Variants in CAPN2 observed in about 807,000 individuals in gnomAD.
CAPN2 encodes calpain-2 catalytic subunit.
Under a neutral mutation model 102.3 loss-of-function variants are expected in CAPN2, and 92 were observed. The observed-to-expected ratio is 0.90, with a 90% confidence interval of 0.76 to 1.07. The LOEUF is 1.07. Among genes scored for constraint, CAPN2 ranks in the 50% least tolerant of loss-of-function variants. CAPN2 has a pLI of 0.00. For missense variants in CAPN2, 800 were observed against 909.4 expected, an observed-to-expected ratio of 0.88 and a Z score of 1.55; for synonymous variants, 340 against 355.4, an observed-to-expected ratio of 0.96 and a Z score of 0.49.
At chr1:223,740,864 C>CACCTAATTG (rs775915974) in intron 2 of CAPN2, among the ~76,000 whole-genome samples, 21 of 152,134 alleles carry the variant, frequency 1.4e-4, no homozygotes, top group Non-Finnish European at 2.9e-4. Context: ...ATTTCGAATT[C>CACCTAATTG]AATTAGGTGA....
At chr1:223,730,035 A>AC (rs1660298185) in intron 2 of CAPN2, among the ~76,000 whole-genome samples, 1 of 146,134 alleles carries the variant, frequency 6.8e-6, no homozygotes, top group Non-Finnish European at 1.5e-5. Flanking sequence ...AAAAAAAAAA[A>AC]CGAAAACCTG....
chr1:223,737,074 C>A (rs976583960), intron 2 of CAPN2, among the ~76,000 whole-genome samples: 1 of 152,036 alleles, frequency 6.6e-6, no homozygotes, highest in African/African-American at 2.4e-5. Context: ...GAAATTAAGA[C>A]CAGATGTAGG....
intron 11 of CAPN2, chr1:223,757,668 G>A: frequency 2.0e-6 from 1 of 493,246 alleles, no homozygotes; most frequent in Non-Finnish European, 3.6e-6. Flanking sequence ...TCCTGAGACT[G>A]CAGGAGGCTT....
At chr1:223,732,372 C>T (rs570876513) in intron 2 of CAPN2, among the ~76,000 whole-genome samples, 1 of 152,180 alleles carries the variant, frequency 6.6e-6, no homozygotes, top group South Asian at 2.1e-4. Context: ...ATGGTTATTT[C>T]TTGATTATAT....
intron 14 of CAPN2, among the ~76,000 whole-genome samples, chr1:223,763,269 G>A (rs948606145): frequency 6.6e-6 from 1 of 151,246 alleles, no homozygotes; most frequent in Non-Finnish European, 1.5e-5. Flanking sequence ...GAGCTCATCT[G>A]GTACTCCCTT....
upstream of CAPN2, chr1:223,712,318 C>A: frequency 2.6e-6 from 1 of 386,656 alleles, no homozygotes; most frequent in Non-Finnish European, 3.6e-6. Context: ...CAACTCTGGA[C>A]CGCGATTCGC....
At chr1:223,737,736 C>T (rs1166310073) in intron 2 of CAPN2, among the ~76,000 whole-genome samples, 1 of 105,708 alleles carries the variant, frequency 9.5e-6, no homozygotes, top group East Asian at 2.5e-4. Flanking sequence ...AATACAATAA[C>T]ACCATGTACT....
intron 5 of CAPN2, among the ~76,000 whole-genome samples, chr1:223,747,898 C>T (rs1660785941): frequency 6.6e-6 from 1 of 152,218 alleles, no homozygotes; most frequent in Non-Finnish European, 1.5e-5. Context: ...TGCTCATCAC[C>T]TGGAAGCCAA....
At position 223,755,788 on chromosome 1, in the gene CAPN2, C is replaced by G. The variant is rs1430120870; in HGVS notation, c.1305+139C>G. The G allele has an allele frequency of 9.3e-6, 8 of 858,982 alleles. No homozygotes were observed. Among genetic ancestry groups the G allele is most frequent in the Non-Finnish European group, 1.4e-5 (8 of 578,070 alleles). The allele number at this position is 858,982 out of a possible 1,614,324, so 53.2% of individuals were successfully genotyped here. ...GCCAAGGAAAAACAAAACTACCAGC[C>G]TGGCCAGGCTCAGGAGTAGCCCCCG... On this transcript the variant is annotated intron_variant, in intron 10 of 20. Coordinates refer to ENST00000295006, the MANE Select transcript of CAPN2 (RefSeq NM_001748.5). The surrounding 1 kb of genome is among the most constrained non-coding windows in gnomAD (Gnocchi z 4.1).
intron 1 of CAPN2, among the ~76,000 whole-genome samples, chr1:223,717,239 A>G (rs1047895301): frequency 1.3e-5 from 2 of 152,182 alleles, no homozygotes; most frequent in African/African-American, 4.8e-5. Flanking sequence ...TGGGACTCAG[A>G]CTTGAAGGGA....
chr1:223,712,833 C>T lies in CAPN2; in HGVS notation c.193C>T (p.Pro65Ser). The T allele has an allele frequency of 1.3e-6, 2 of 1,564,134 alleles. No individual in the cohort carries two copies. The highest frequency in any genetic ancestry group is 8.6e-7 in the Non-Finnish European group (1 of 1,157,926). The change falls in exon 1 of 21, where the codon CCC (proline) becomes TCC (serine). Residue 65 changes from proline (P) to serine (S), a missense_variant. Pro to Ser is a moderately conservative substitution (Grantham distance 74). Coordinates refer to ENST00000295006, the MANE Select transcript of CAPN2 (RefSeq NM_001748.5). ...GGCCCTGGGCTTCAAGGAGTTGGGG[C>T]CCTACTCCAGCAAAACCCGGGGCAT... ...PSALGFKELG[P>S]YSSKTRGIEW... is the part of the protein sequence containing the mutation.
intron 5 of CAPN2, among the ~76,000 whole-genome samples, chr1:223,748,648 G>A (rs1660808874): frequency 6.6e-6 from 1 of 151,696 alleles, no homozygotes; most frequent in East Asian, 1.9e-4. Context: ...CTGCGCCATC[G>A]AGGACCCCCT....
At chr1:223,746,072 G>A (rs1660743130) in intron 4 of CAPN2, among the ~76,000 whole-genome samples, 1 of 152,080 alleles carries the variant, frequency 6.6e-6, no homozygotes, top group Non-Finnish European at 1.5e-5. Flanking sequence ...CTCCACAATG[G>A]CCCCATGTTG....
At chr1:223,759,000 T>C (rs188851922) in intron 11 of CAPN2, 95 of 470,486 alleles carry the variant, frequency 2.0e-4, no homozygotes, top group African/African-American at 1.7e-3. Flanking sequence ...AAAAGTTTGC[T>C]TTTTATCTAA....
At chr1:223,740,189 G>A (rs919153081) in intron 2 of CAPN2, among the ~76,000 whole-genome samples, 1 of 152,126 alleles carries the variant, frequency 6.6e-6, no homozygotes. Context: ...CCGTCGAGGT[G>A]GAGTGAGAGA....
In CAPN2 at chr1:223,755,963, A is replaced by G. The variant is rs1003807792; in HGVS notation, c.1305+314A>G. ...GCCTGGCATTCTGGTCAGCCTACCC[A>G]TCTTCAAAGAACAGAATATACTGGG... is the stretch of plus-strand genomic sequence containing the variant. On this transcript the variant is annotated intron_variant, in intron 10 of 20. Coordinates refer to ENST00000295006, the MANE Select transcript of CAPN2 (RefSeq NM_001748.5). The surrounding 1 kb of genome is among the most constrained non-coding windows in gnomAD (Gnocchi z 4.1). Among the ~76,000 whole-genome samples, 4 of 152,168 alleles carry G rather than the reference A, an allele frequency of 2.6e-5. No homozygotes were observed. The highest frequency in any genetic ancestry group is 2.6e-4 in the Admixed American group (4 of 15,274).
intron 16 of CAPN2, among the ~76,000 whole-genome samples, chr1:223,769,270 G>A (rs374941252): frequency 3.3e-5 from 5 of 151,880 alleles, no homozygotes; most frequent in South Asian, 4.1e-4. Context: ...ACAGGTGCGC[G>A]CCACCATGCC....
At chr1:223,728,645 C>T (rs1448741086) in intron 2 of CAPN2, among the ~76,000 whole-genome samples, 3 of 152,234 alleles carry the variant, frequency 2.0e-5, no homozygotes, top group Non-Finnish European at 4.4e-5. Context: ...GATTCCTCCC[C>T]TTTGAATAAT....
chr1:223,762,145 C>T, intron 13 of CAPN2, 41 bp from the exon 14 acceptor site: 5 of 1,571,320 alleles, frequency 3.2e-6, no homozygotes, highest in Non-Finnish European at 4.4e-6. Flanking sequence ...GGTGTCATGC[C>T]TCGCTCTGAT....
Sources: allele counts gnomAD v4.1 joint callset (sites outside exome capture counted in the v4.1 genomes callset), GRCh38; gene constraint gnomAD v4.1.1; non-coding constraint Gnocchi (gnomAD v3.1); transcripts MANE v1.5; gene names NCBI Gene and HGNC (gene_info 2026-07-23, HGNC 2026-07-21).